The following HS3ST5 variants were observed in gnomAD, a reference collection of about 807,000 sequenced individuals.
HS3ST5 encodes the protein heparan sulfate-glucosamine 3-sulfotransferase 5.
Under a neutral mutation model 25.4 loss-of-function variants are expected in HS3ST5, and 10 were observed. That is an observed-to-expected ratio of 0.39 (90% CI 0.24 to 0.67). HS3ST5 has a LOEUF of 0.67. HS3ST5 is among the 30% of genes least tolerant of loss of function. The pLI, the probability that HS3ST5 is intolerant of heterozygous loss-of-function variation, is 0.44. For synonymous variants in HS3ST5, 170 were observed against 162.4 expected (o/e 1.05, Z -0.36); for missense variants, 324 against 420.7 (o/e 0.77, Z 2.01).
chr6:114,335,206 A>G (rs1258268379), intron 1 of HS3ST5, among the ~76,000 whole-genome samples: 2 of 152,106 alleles, frequency 1.3e-5, no homozygotes, highest in Non-Finnish European at 2.9e-5. Context: ...TGGAAATACT[A>G]ACGGCATATG....
At chr6:114,237,124 A>G (rs1582746151) in intron 1 of HS3ST5, among the ~76,000 whole-genome samples, 1 of 152,216 alleles carries the variant, frequency 6.6e-6, no homozygotes, top group East Asian at 1.9e-4. Context: ...ATCAAAGACT[A>G]ATGTATTTTT....
At chr6:114,276,808 T>C (rs1163912830) in intron 1 of HS3ST5, among the ~76,000 whole-genome samples, 3 of 151,984 alleles carry the variant, frequency 2.0e-5, no homozygotes, top group Non-Finnish European at 4.4e-5. Context: ...TATGCATTTG[T>C]TCCTTTTTTC....
At chr6:114,136,454 T>TA (rs1777619155) in intron 3 of HS3ST5, among the ~76,000 whole-genome samples, 1 of 152,222 alleles carries the variant, frequency 6.6e-6, no homozygotes, top group East Asian at 1.9e-4. Context: ...GTGAGTCAAT[T>TA]AAACCTCTTT....
intron 3 of HS3ST5, among the ~76,000 whole-genome samples, chr6:114,103,826 G>T (rs553780205): frequency 6.8e-6 from 1 of 146,296 alleles, no homozygotes; most frequent in Non-Finnish European, 1.5e-5. Flanking sequence ...GAGTAGCTGG[G>T]ACTACAAGCA....
intron 1 of HS3ST5, among the ~76,000 whole-genome samples, chr6:114,331,048 C>T (rs964072071): frequency 6.6e-5 from 10 of 152,178 alleles, no homozygotes; most frequent in African/African-American, 1.7e-4. Context: ...AAGACTTGTT[C>T]AGCTTTCCAA....
rs1411363683 is a variant in HS3ST5, at chr6:114,198,364, G to C, written c.-144-29902C>G. 4.6e-5 allele frequency among the ~76,000 whole-genome samples: 7 copies of C among 152,264 alleles called. 1 individual carries two copies. In the East Asian group the frequency reaches 1.4e-3, roughly 29 times the overall value. ...AGTAAGCAACTTGGAAAACATATTT[G>C]AGAATATAATCAATGAAAATGTTCC... On this transcript the variant is annotated intron_variant, in intron 2 of 4. Coordinates refer to ENST00000312719, the MANE Select transcript of HS3ST5 (RefSeq NM_153612.4).
intron 1 of HS3ST5, among the ~76,000 whole-genome samples, chr6:114,311,529 T>C (rs924041049): frequency 7.0e-6 from 1 of 142,488 alleles, no homozygotes; most frequent in African/African-American, 2.6e-5. Context: ...TTTTCTTTCT[T>C]TCTCTCTCTC....
At chr6:114,308,413 G>A (rs1212245690) in intron 1 of HS3ST5, among the ~76,000 whole-genome samples, 1 of 151,986 alleles carries the variant, frequency 6.6e-6, no homozygotes, top group South Asian at 2.1e-4. Flanking sequence ...GTGAAACCCC[G>A]TCTCTACTAA....
intron 2 of HS3ST5, among the ~76,000 whole-genome samples, chr6:114,210,955 C>A (rs1185523744): frequency 6.6e-6 from 1 of 152,204 alleles, no homozygotes; most frequent in African/African-American, 2.4e-5. Flanking sequence ...GGTTCCCATT[C>A]CTTCAGGTTA....
chr6:114,076,362 A>G (rs1774132934), intron 3 of HS3ST5, among the ~76,000 whole-genome samples: 1 of 152,176 alleles, frequency 6.6e-6, no homozygotes, highest in Non-Finnish European at 1.5e-5. Context: ...TCTTATAATG[A>G]GAGATTAATG....
chr6:114,074,308 CA>C (rs111852622), intron 3 of HS3ST5, among the ~76,000 whole-genome samples: 8,172 of 136,272 alleles, frequency 0.06, 447 homozygotes, highest in African/African-American at 0.15. Flanking sequence ...AAAAAAAGAG[CA>C]AAAAAAAAAA....
At chr6:114,199,181 A>C (rs930250805) in intron 2 of HS3ST5, among the ~76,000 whole-genome samples, 2 of 152,348 alleles carry the variant, frequency 1.3e-5, no homozygotes, top group African/African-American at 4.8e-5. Context: ...ATAAAACTAG[A>C]GACATTAAAA....
chr6:114,178,490 T>C (rs1289258340), intron 2 of HS3ST5, among the ~76,000 whole-genome samples: 5 of 152,210 alleles, frequency 3.3e-5, no homozygotes, highest in African/African-American at 7.2e-5. Context: ...CAAGGGAGAA[T>C]ACACACATAG....
intron 2 of HS3ST5, among the ~76,000 whole-genome samples, chr6:114,193,267 T>C (rs912507163): frequency 2.6e-5 from 4 of 152,168 alleles, no homozygotes; most frequent in Non-Finnish European, 2.9e-5. Flanking sequence ...CACAGTGTTA[T>C]GGGAGCTGAA....
chr6:114,250,294 A>G (rs1335911409), intron 1 of HS3ST5, among the ~76,000 whole-genome samples: 2 of 152,200 alleles, frequency 1.3e-5, no homozygotes, highest in Non-Finnish European at 2.9e-5. Context: ...TAAAAAAATT[A>G]TCAGAGGCTG....
At chr6:114,248,929 A>G (rs915843306) in intron 1 of HS3ST5, among the ~76,000 whole-genome samples, 6 of 152,200 alleles carry the variant, frequency 3.9e-5, no homozygotes, top group Non-Finnish European at 7.3e-5. Context: ...CTGGTAGCAG[A>G]CACTTTAGGT....
chr6:114,176,193 C>T (rs1416976481), intron 2 of HS3ST5, among the ~76,000 whole-genome samples: 1 of 115,282 alleles, frequency 8.7e-6, no homozygotes, highest in Non-Finnish European at 1.6e-5. Context: ...TTCTTTAAAG[C>T]AGTTCTTATT....
intron 3 of HS3ST5, among the ~76,000 whole-genome samples, chr6:114,089,192 T>A (rs542580913): frequency 6.6e-6 from 1 of 152,330 alleles, no homozygotes; most frequent in Admixed American, 6.5e-5. Context: ...GAAGGACAGT[T>A]GGGAAGCAAT....
At chr6:114,341,661 G>A (rs912885700) in intron 1 of HS3ST5, among the ~76,000 whole-genome samples, 5 of 151,594 alleles carry the variant, frequency 3.3e-5, no homozygotes, top group African/African-American at 7.3e-5. Context: ...TGTGGGGGGG[G>A]CCAGCTGGGA....
Sources: allele counts gnomAD v4.1 joint callset (sites outside exome capture counted in the v4.1 genomes callset), GRCh38; gene constraint gnomAD v4.1.1; transcripts MANE v1.5; gene names NCBI Gene and HGNC (gene_info 2026-07-23, HGNC 2026-07-21).